TIAM1: variants seen among roughly 807,000 people sequenced by gnomAD.
TIAM1 encodes the protein rho guanine nucleotide exchange factor TIAM1.
TIAM1 carries 65 observed loss-of-function variants against 163.5 expected under a neutral mutation model. The observed-to-expected ratio is 0.40, with a 90% CI of 0.33 to 0.49. The LOEUF (loss-of-function observed/expected upper bound fraction) is 0.49. TIAM1 is among the 20% of genes least tolerant of loss of function. The probability of loss-of-function intolerance (pLI) is 0.77; values close to 1 mark genes in which losing one functional copy is unlikely to be tolerated. For missense variants in TIAM1, 1,789 were observed against 2,044.7 expected (o/e 0.87, Z 2.41); for synonymous variants, 833 against 810.1 (o/e 1.03, Z -0.48).
In TIAM1 at chr21:31,131,089, T is replaced by C. The variant is rs114019713; in HGVS notation, c.3884-141A>G. 827 of 634,510 alleles carry C rather than the reference T, an allele frequency of 1.3e-3. 4 individuals carry two copies. The African/African-American group carries it at 0.014, about 10-fold the overall frequency. The allele number at this position is 634,510 out of a possible 1,614,324, so 39.3% of individuals were successfully genotyped here. ...TTAACTGACTCCCACCCACCTTCCATTCATTCATCACATCTGTGAAAATCA... is the reference window on the plus strand; with the variant it reads ...TTAACTGACTCCCACCCACCTTCCACTCATTCATCACATCTGTGAAAATCA... On this transcript the variant is annotated intron_variant, in intron 23 of 27. Coordinates refer to ENST00000541036, the MANE Select transcript of TIAM1 (RefSeq NM_001353694.2).
intron 2 of TIAM1, among the ~76,000 whole-genome samples, chr21:31,448,951 C>T (rs981014809): frequency 1.3e-5 from 2 of 152,076 alleles, no homozygotes; most frequent in African/African-American, 4.8e-5. Context: ...ACAGTGCCCA[C>T]CTGCTAGGAT....
chr21:31,536,887 G>C (rs573494999), intron 1 of TIAM1, among the ~76,000 whole-genome samples: 11 of 152,224 alleles, frequency 7.2e-5, no homozygotes, highest in Non-Finnish European at 1.5e-4. Context: ...AGGGCAAGAA[G>C]AGGGCATTAG....
chr21:31,420,951 G>A (rs955875310), intron 2 of TIAM1, among the ~76,000 whole-genome samples: 41 of 151,996 alleles, frequency 2.7e-4, no homozygotes, highest in African/African-American at 8.7e-4. Context: ...GTGAAGCCCC[G>A]TCTCTACTAA....
chr21:31,280,426 G>A (rs990015963), intron 2 of TIAM1, among the ~76,000 whole-genome samples: 2 of 152,006 alleles, frequency 1.3e-5, no homozygotes. Context: ...CCTTGATTGT[G>A]AGGCATCCCC....
chr21:31,335,278 G>A (rs2075801711), intron 2 of TIAM1, among the ~76,000 whole-genome samples: 1 of 152,032 alleles, frequency 6.6e-6, no homozygotes, highest in South Asian at 2.1e-4. Flanking sequence ...TAATTTTGCA[G>A]TTTTTAAAAT....
intron 13 of TIAM1, among the ~76,000 whole-genome samples, chr21:31,192,667 A>G (rs572612512): frequency 3.3e-5 from 5 of 152,176 alleles, no homozygotes; most frequent in East Asian, 1.9e-4. Flanking sequence ...AAGCGAGCAT[A>G]TGAGGTAGTC....
Position 31,124,547 on chromosome 21 carries a change from C to G in TIAM1, c.4281G>C (p.Gly1427=), listed in dbSNP as rs1477730773. The G allele has an allele frequency of 6.2e-7, 1 of 1,613,498 alleles. No individual in the cohort carries two copies. The highest frequency in any genetic ancestry group is 1.1e-5 in the South Asian group (1 of 91,038). The stretch of plus-strand genomic sequence containing the variant: ...CTGCCCTGCTCATGGCCGGCCTGGC[C>G]CCCTTCAGTGCACACAATCTTTTGC... ...FGGKRLCALK[G]ARPAMSRAVS... Residue 1427 remains glycine, a synonymous_variant, in exon 27 of 28, where the codon GGG becomes GGC. Transcript: ENST00000541036.
chr21:31,168,085 A>G (rs2084323914), intron 15 of TIAM1, among the ~76,000 whole-genome samples: 1 of 147,070 alleles, frequency 6.8e-6, no homozygotes, highest in Admixed American at 6.6e-5. Context: ...CTTCCCTGAG[A>G]TTCTTATTAT....
intron 2 of TIAM1, among the ~76,000 whole-genome samples, chr21:31,288,625 T>C (rs1381643286): frequency 1.3e-5 from 2 of 152,198 alleles, no homozygotes; most frequent in Non-Finnish European, 2.9e-5. Context: ...ATTCAGAGCA[T>C]AGCAACTCCC....
At chr21:31,445,309 T>C (rs13049312) in intron 2 of TIAM1, among the ~76,000 whole-genome samples, 14,777 of 152,254 alleles carry the variant, frequency 0.097, 968 homozygotes, top group Admixed American at 0.14. Flanking sequence ...TTCAACCTTC[T>C]GTAATGCTAA....
chr21:31,421,094 A>G (rs184151785), intron 2 of TIAM1, among the ~76,000 whole-genome samples: 22 of 151,364 alleles, frequency 1.5e-4, no homozygotes, highest in Non-Finnish European at 2.8e-4. Context: ...TCATGCCACT[A>G]CACTCCAGCC....
chr21:31,258,403 G>T (rs1393032739), intron 4 of TIAM1, among the ~76,000 whole-genome samples: 1 of 152,232 alleles, frequency 6.6e-6, no homozygotes, highest in Non-Finnish European at 1.5e-5. Flanking sequence ...AAGTTGAGGT[G>T]ACAAATGAGT....
At chr21:31,129,934 G>A (rs191842751) in intron 25 of TIAM1, among the ~76,000 whole-genome samples, 7 of 152,176 alleles carry the variant, frequency 4.6e-5, no homozygotes, top group African/African-American at 1.7e-4. Flanking sequence ...CTATAGAATA[G>A]AATAACTAGA....
Position 31,266,647 on chromosome 21 carries a change from G to T in TIAM1, c.326C>A (p.Thr109Asn), listed in dbSNP as rs34882418. 2 of 1,614,220 alleles carry T rather than the reference G, an allele frequency of 1.2e-6. No homozygotes were observed. Among genetic ancestry groups the T allele is most frequent in the Non-Finnish European group, 8.5e-7 (1 of 1,180,048 alleles). ...GACGATGCTGCTGTCTACGCTGGGA[G>T]TGACAGAAGAGTCAGTGTAAGACAC... ...RPVSYTDSSV[T>N]PSVDSSIVLT... is the part of the protein sequence containing the mutation. The change falls in exon 4 of 28, where the codon ACT (threonine) becomes AAT (asparagine). Residue 109 changes from threonine to asparagine, a missense_variant. This residue lies in a region of TIAM1 where 555 missense variants were observed against 564.9 expected (regional missense o/e 0.98). Transcript: ENST00000541036.
intron 2 of TIAM1, among the ~76,000 whole-genome samples, chr21:31,332,742 A>G (rs1399454210): frequency 6.6e-6 from 1 of 150,548 alleles, no homozygotes; most frequent in East Asian, 1.9e-4. Flanking sequence ...AAACACCCAC[A>G]CTCACATTCA....
chr21:31,490,545 G>C (rs544676025), intron 1 of TIAM1, among the ~76,000 whole-genome samples: 1 of 152,246 alleles, frequency 6.6e-6, no homozygotes, highest in South Asian at 2.1e-4. Flanking sequence ...CTCAGGCCAG[G>C]ACAGACTCAG....
intron 15 of TIAM1, among the ~76,000 whole-genome samples, chr21:31,181,756 CTTTTTTTTTTTTTTTTTTTTTTT>C (rs781153297): frequency 0.046 from 1,896 of 41,300 alleles, 250 homozygotes; most frequent in East Asian, 0.3. Context: ...TCTTCTTCTT[CTTTTTTTTTTTTTTTTTTTTTTT>C]TTTTTTTTTT....
intron 23 of TIAM1, among the ~76,000 whole-genome samples, 164 bp from the exon 24 acceptor site, chr21:31,131,112 T>C (rs2082398126): frequency 6.6e-6 from 1 of 152,124 alleles, no homozygotes; most frequent in South Asian, 2.1e-4. Flanking sequence ...TCTGTGAAAA[T>C]CAAAAGCCTA....
chr21:31,128,609 G>C (rs1490358749), intron 25 of TIAM1, among the ~76,000 whole-genome samples: 2 of 152,164 alleles, frequency 1.3e-5, no homozygotes, highest in African/African-American at 4.8e-5. Flanking sequence ...ACCTCAAAAT[G>C]CTATGTATTG....
Sources: gnomAD v4.1 joint callset for allele counts (sites outside exome capture counted in the v4.1 genomes callset) on GRCh38, gnomAD v4.1.1 for gene constraint, gnomAD v4.1.1 regional missense constraint, MANE v1.5 for transcripts, NCBI Gene and HGNC (gene_info 2026-07-23, HGNC 2026-07-21) for gene names.